Variants in KCNQ3 observed in about 807,000 individuals in gnomAD.
KCNQ3 encodes the protein potassium voltage-gated channel subfamily KQT member 3.
KCNQ3 carries 30 observed loss-of-function variants against 92.5 expected under a neutral mutation model. The ratio of observed to expected loss-of-function variants is 0.32; its 90% CI spans 0.24 to 0.44. The LOEUF (loss-of-function observed/expected upper bound fraction) is 0.44, where lower values mean the gene tolerates loss of function less well. Among genes scored for constraint, KCNQ3 ranks in the 20% least tolerant of loss-of-function variants. The pLI is 1.00. For missense variants in KCNQ3, 913 were observed against 1,140.3 expected (o/e 0.80, Z 2.87); for synonymous variants, 450 against 468.8 (o/e 0.96, Z 0.52).
chr8:132,398,577 G>A (rs1361727613), intron 1 of KCNQ3, among the ~76,000 whole-genome samples: 2 of 152,172 alleles, frequency 1.3e-5, no homozygotes, highest in Non-Finnish European at 2.9e-5. Flanking sequence ...ACTTGCATAA[G>A]CCTTTGCCCC....
At chr8:132,463,084 A>G (rs1822098556) in intron 1 of KCNQ3, among the ~76,000 whole-genome samples, 1 of 152,250 alleles carries the variant, frequency 6.6e-6, no homozygotes, top group African/African-American at 2.4e-5. Context: ...CCTGTTTTGG[A>G]AGACGACAAT....
intron 1 of KCNQ3, among the ~76,000 whole-genome samples, chr8:132,279,853 C>CGT (rs34093077): frequency 0.52 from 77,979 of 150,572 alleles, 21,658 homozygotes; most frequent in East Asian, 0.78. Flanking sequence ...TGTATATATG[C>CGT]GTGTGTGTGT....
chr8:132,235,747 T>C (rs1351946296), intron 1 of KCNQ3, among the ~76,000 whole-genome samples: 1 of 152,212 alleles, frequency 6.6e-6, no homozygotes, highest in Non-Finnish European at 1.5e-5. Context: ...GTGTCTCAAA[T>C]ACTCTGCTCA....
At chr8:132,132,122 G>A in intron 14 of KCNQ3, 58 bp downstream of exon 14, 1 of 1,095,688 alleles carries the variant, frequency 9.1e-7, no homozygotes, top group Non-Finnish European at 1.4e-6. Flanking sequence ...AAAAAGAAAT[G>A]GCATTTGAAA....
chr8:132,428,782 A>G (rs1401900024), intron 1 of KCNQ3, among the ~76,000 whole-genome samples: 2 of 152,230 alleles, frequency 1.3e-5, no homozygotes, highest in Non-Finnish European at 1.5e-5. Context: ...ACAAAATTAT[A>G]TTCACTCAGT....
At chr8:132,263,977 T>C (rs1815880001) in intron 1 of KCNQ3, among the ~76,000 whole-genome samples, 1 of 152,194 alleles carries the variant, frequency 6.6e-6, no homozygotes, top group Admixed American at 6.5e-5. Flanking sequence ...TTACTAGGTG[T>C]TAAGCACAAA....
chr8:132,215,071 C>T (rs1029528368), intron 1 of KCNQ3, among the ~76,000 whole-genome samples: 1 of 152,226 alleles, frequency 6.6e-6, no homozygotes, highest in East Asian at 1.9e-4. Context: ...ACCTGTCGTT[C>T]CCCCTGGCTG....
chr8:132,382,429 C>A (rs1028252595), intron 1 of KCNQ3, among the ~76,000 whole-genome samples: 1 of 152,178 alleles, frequency 6.6e-6, no homozygotes, highest in Non-Finnish European at 1.5e-5. Flanking sequence ...CCCACTTCCG[C>A]ATGAGTAAAA....
At chr8:132,212,244 G>A (rs569594368) in intron 1 of KCNQ3, among the ~76,000 whole-genome samples, 1 of 152,118 alleles carries the variant, frequency 6.6e-6, no homozygotes, top group South Asian at 2.1e-4. Context: ...GCTAATTCCT[G>A]CAATTCCTAT....
At position 132,194,395 on chromosome 8, in the gene KCNQ3, GTTTC is replaced by G. The variant is rs570797795; in HGVS notation, c.387-8218_387-8215del. Among the ~76,000 whole-genome samples, 40 of 152,258 alleles carry G rather than the reference GTTTC, an allele frequency of 2.6e-4. No homozygotes were observed. In the South Asian group the frequency reaches 6.2e-3, roughly 24 times the overall value. Reference sequence around the variant, plus strand: ...TTAAAGCACCCACTGTGTGCCAGGGGTTTCTTTATTTTCTATGAGTCAGCCCCAA... The same window carrying G: ...TTAAAGCACCCACTGTGTGCCAGGGGTTTATTTTCTATGAGTCAGCCCCAA... On this transcript the variant is annotated intron_variant, in intron 1 of 14. Transcript: ENST00000388996.
At chr8:132,421,345 G>A (rs769905232) in intron 1 of KCNQ3, among the ~76,000 whole-genome samples, 2 of 152,200 alleles carry the variant, frequency 1.3e-5, no homozygotes, top group Non-Finnish European at 2.9e-5. Context: ...CAAATTGTTC[G>A]ATAAGAAGTC....
At chr8:132,375,761 T>G (rs1384747015) in intron 1 of KCNQ3, among the ~76,000 whole-genome samples, 1 of 152,182 alleles carries the variant, frequency 6.6e-6, no homozygotes, top group Non-Finnish European at 1.5e-5. Flanking sequence ...CGGCCTCTTC[T>G]CCTGGCCCAC....
chr8:132,421,087 A>G (rs1012131889), intron 1 of KCNQ3, among the ~76,000 whole-genome samples: 1 of 152,222 alleles, frequency 6.6e-6, no homozygotes, highest in Non-Finnish European at 1.5e-5. Context: ...AACGGCTCAT[A>G]CAGTCAACCT....
chr8:132,160,008 C>T, intron 9 of KCNQ3, among the ~76,000 whole-genome samples: 1 of 152,096 alleles, frequency 6.6e-6, no homozygotes, highest in East Asian at 1.9e-4. Context: ...AGAGCTTAGC[C>T]CCTTGGAGGC....
At chr8:132,337,322 C>T (rs960168931) in intron 1 of KCNQ3, among the ~76,000 whole-genome samples, 5 of 152,046 alleles carry the variant, frequency 3.3e-5, no homozygotes, top group African/African-American at 4.8e-5. Context: ...GAGCAATAAA[C>T]CCAGTCTCTA....
intron 14 of KCNQ3, 62 bp from the exon 15 acceptor site, chr8:132,130,058 GT>G: frequency 6.6e-7 from 1 of 1,506,622 alleles, no homozygotes; most frequent in Non-Finnish European, 9.1e-7. Flanking sequence ...GTTGCTATTG[GT>G]TGGGAGGAAA....
intron 1 of KCNQ3, among the ~76,000 whole-genome samples, chr8:132,259,235 T>C (rs1039192033): frequency 1.1e-4 from 17 of 152,186 alleles, no homozygotes; most frequent in African/African-American, 3.9e-4. Context: ...ATTATGAATA[T>C]AGATACAAAA....
chr8:132,217,043 C>T (rs1176967607), intron 1 of KCNQ3, among the ~76,000 whole-genome samples: 1 of 152,058 alleles, frequency 6.6e-6, no homozygotes, highest in Non-Finnish European at 1.5e-5. Flanking sequence ...TTTTTCATTT[C>T]ATTATTATCT....
intron 1 of KCNQ3, among the ~76,000 whole-genome samples, chr8:132,347,475 G>C (rs948052631): frequency 1.3e-5 from 2 of 152,238 alleles, no homozygotes; most frequent in African/African-American, 2.4e-5. Flanking sequence ...ATTTGCTAGC[G>C]GGGGAGGGAG....
Sources: gnomAD v4.1 joint callset for allele counts (sites outside exome capture counted in the v4.1 genomes callset) on GRCh38, gnomAD v4.1.1 for gene constraint, MANE v1.5 for transcripts, NCBI Gene and HGNC (gene_info 2026-07-23, HGNC 2026-07-21) for gene names.